The following HDAC4 variants were observed in gnomAD, a reference collection of about 807,000 sequenced individuals.
HDAC4 encodes histone deacetylase A.
HDAC4 carries 16 observed loss-of-function variants against 135.1 expected under a neutral mutation model. That is an observed-to-expected ratio of 0.12 (90% CI 0.08 to 0.18). The LOEUF (loss-of-function observed/expected upper bound fraction) is 0.18. Among genes scored for constraint, HDAC4 ranks in the 10% least tolerant of loss-of-function variants. The pLI, the probability that HDAC4 is intolerant of heterozygous loss-of-function variation, is 1.00. For synonymous variants in HDAC4, 685 were observed against 653.4 expected (o/e 1.05, Z -0.74); for missense variants, 1,143 against 1,511.8 (o/e 0.76, Z 4.05).
intron 2 of HDAC4, chr2:239,298,411 G>A: frequency 2.6e-6 from 3 of 1,166,620 alleles, no homozygotes; most frequent in African/African-American, 1.6e-5. Context: ...AGGGAAACAG[G>A]GTATCCTGAA....
intron 3 of HDAC4, among the ~76,000 whole-genome samples, chr2:239,192,142 G>A (rs1477101208): frequency 2.0e-5 from 3 of 151,848 alleles, no homozygotes; most frequent in Non-Finnish European, 2.9e-5. Flanking sequence ...TTCAATGTGC[G>A]GAAGCAGGGA....
rs555487947 is a variant in HDAC4, at chr2:239,117,973, C to T, written c.1534-2663G>A. On this transcript the variant is annotated intron_variant, in intron 12 of 26. Coordinates refer to ENST00000543185, the MANE Select transcript of HDAC4 (RefSeq NM_001378414.1). ...AGCACTGCATGCTGCTCCACACTCA[C>T]GCGAGGCGGCCTCTCCAGCAGCCTG... Among the ~76,000 whole-genome samples the T allele has an allele frequency of 1.3e-4, 20 of 152,346 alleles. No individual in the cohort carries two copies. The South Asian group carries it at 3.9e-3, about 30-fold the overall frequency.
chr2:239,294,158 G>A (rs1432196598), intron 2 of HDAC4, among the ~76,000 whole-genome samples: 2 of 152,290 alleles, frequency 1.3e-5, no homozygotes, highest in East Asian at 1.9e-4. Context: ...TCGCTGAGGC[G>A]TCACATTTAC....
intron 1 of HDAC4, among the ~76,000 whole-genome samples, chr2:239,364,822 G>C (rs1282049280): frequency 2.0e-5 from 3 of 152,144 alleles, no homozygotes; most frequent in Non-Finnish European, 4.4e-5. Flanking sequence ...TATAATTCTT[G>C]CCACCATTTC....
In HDAC4 at chr2:239,115,942, G is replaced by A. The variant is rs950684841; in HGVS notation, c.1534-632C>T. Among the ~76,000 whole-genome samples the A allele has an allele frequency of 2.6e-5, 4 of 152,094 alleles. No individual in the cohort carries two copies. The highest frequency in any genetic ancestry group is 9.7e-5 in the African/African-American group (4 of 41,400). ...GGACACCATGACCTCCTTTCTTGCA[G>A]GATTCCATGGGTGCTCCATGACCTG... is the stretch of plus-strand genomic sequence containing the variant. On this transcript the variant is annotated intron_variant, in intron 12 of 26. Transcript: ENST00000543185. This position sits in a 1 kb window ranked among gnomAD's most constrained non-coding sequence, Gnocchi z 6.3.
intron 2 of HDAC4, among the ~76,000 whole-genome samples, chr2:239,243,161 T>C (rs2048285127): frequency 6.6e-6 from 1 of 152,098 alleles, no homozygotes; most frequent in Non-Finnish European, 1.5e-5. Context: ...ATTCCTTTTT[T>C]TTTTTTTTTG....
At chr2:239,179,530 C>T (rs1341104481) in intron 4 of HDAC4, among the ~76,000 whole-genome samples, 2 of 152,236 alleles carry the variant, frequency 1.3e-5, no homozygotes, top group South Asian at 2.1e-4. Flanking sequence ...AGTTTCATCC[C>T]GAAACCATTC....
chr2:239,084,350 T>C, intron 19 of HDAC4, 108 bp from the exon 20 acceptor site: 5 of 758,346 alleles, frequency 6.6e-6, no homozygotes, highest in Admixed American at 2.0e-5. Flanking sequence ...AAGAGGTCTC[T>C]GTGAGTGCAG....
At position 239,102,796 on chromosome 2, in the gene HDAC4, A is replaced by C; in HGVS notation, c.2213T>G (p.Leu738Arg). The C allele has an allele frequency of 6.2e-7, 1 of 1,613,944 alleles. No homozygotes were observed. The highest frequency in any genetic ancestry group is 8.5e-7 in the Non-Finnish European group (1 of 1,180,028). The change falls in exon 16 of 27, where the codon CTG becomes CGG. Residue 738 changes from leucine to arginine, a missense_variant. This residue lies in a region of HDAC4 where 49 missense variants were observed against 55.6 expected (regional missense o/e 0.88). Coordinates refer to ENST00000543185, the MANE Select transcript of HDAC4 (RefSeq NM_001378414.1). ...YGTNPLNRQK[L>R]DSKKLLGSLA... ...AATACCTAGAAGTTTCTTACTGTCC[A>C]GTTTCTGCCGGTTGAGGGGGTTCGT...
chr2:239,242,972 G>A (rs182731893), intron 2 of HDAC4, among the ~76,000 whole-genome samples: 9 of 152,146 alleles, frequency 5.9e-5, no homozygotes, highest in Admixed American at 4.6e-4. Context: ...ACAAACCAGC[G>A]TGGTCAGGCC....
intron 12 of HDAC4, among the ~76,000 whole-genome samples, chr2:239,119,235 G>A (rs1348387735): frequency 2.0e-5 from 3 of 152,214 alleles, no homozygotes; most frequent in Non-Finnish European, 4.4e-5. Flanking sequence ...GGAGAGCAAA[G>A]AACAAAGAAT....
At chr2:239,257,188 A>T (rs2049097335) in intron 2 of HDAC4, among the ~76,000 whole-genome samples, 4 of 152,196 alleles carry the variant, frequency 2.6e-5, no homozygotes, top group Non-Finnish European at 5.9e-5. Context: ...TGACCAAAAA[A>T]ACTCTGAATA....
chr2:239,096,369 A>AACC (rs2037041685), intron 16 of HDAC4, among the ~76,000 whole-genome samples: 1 of 56,926 alleles, frequency 1.8e-5, no homozygotes, highest in African/African-American at 7.3e-5. Context: ...AGATGCCTGC[A>AACC]ACCCCCCCCG....
intron 2 of HDAC4, among the ~76,000 whole-genome samples, chr2:239,284,043 C>G (rs574621662): frequency 5.5e-4 from 84 of 152,324 alleles, no homozygotes; most frequent in Non-Finnish European, 8.7e-4. Flanking sequence ...GCTTCTGCAC[C>G]CCAGGGCCTC....
At position 239,231,614 on chromosome 2, in the gene HDAC4, CCGGA is replaced by C. The variant is rs1365861435; in HGVS notation, c.94+4975_94+4978del. On this transcript the variant is annotated intron_variant, in intron 3 of 26. Coordinates refer to ENST00000543185, the MANE Select transcript of HDAC4 (RefSeq NM_001378414.1). ...TTTTTTGTTTGCCTCCGGTTTGCTC[CCGGA>C]TGCCTGAGGTAGGTGTCCTCCCCGA... is the stretch of plus-strand genomic sequence containing the variant. Among the ~76,000 whole-genome samples, 5 of 125,358 alleles carry C rather than the reference CCGGA, an allele frequency of 4.0e-5. No homozygotes were observed. In the East Asian group the frequency reaches 1.4e-3, roughly 34 times the overall value. The allele number at this position is 125,358 out of a possible 152,430, so 82.2% of individuals were successfully genotyped here.
chr2:239,317,651 A>G (rs1347801982), intron 2 of HDAC4, among the ~76,000 whole-genome samples: 1 of 152,222 alleles, frequency 6.6e-6, no homozygotes, highest in Non-Finnish European at 1.5e-5. Flanking sequence ...TCAAACTAAT[A>G]TAAGTAAACA....
At chr2:239,112,589 C>T (rs2038777282) in intron 13 of HDAC4, among the ~76,000 whole-genome samples, 4 of 152,148 alleles carry the variant, frequency 2.6e-5, no homozygotes, top group Admixed American at 2.6e-4. Flanking sequence ...CTGGGACACC[C>T]TGAGGGATTC....
In HDAC4 at chr2:239,111,564, G is replaced by T. The variant is rs2152799226; in HGVS notation, c.1940C>A (p.Ser647Tyr). 6.2e-7 allele frequency: 1 copy of T among 1,612,496 alleles called. No individual in the cohort carries two copies. Among genetic ancestry groups the T allele is most frequent in the South Asian group, 1.1e-5 (1 of 90,960 alleles). ...CGGCTTGGTGGGGGGCTCCTGCACA[G>T]ACACGGGGAAGGTGGCAGACGCGGG... ...SSPASATFPV[S>Y]VQEPPTKPRF... is the part of the protein sequence containing the mutation. The change falls in exon 14 of 27, where the codon TCT becomes TAT. Residue 647 changes from serine to tyrosine, a missense_variant. By Grantham distance (144) the Ser-to-Tyr change is moderately radical (BLOSUM62 -2). Around this residue, in one of 9 missense-constraint regions of HDAC4, gnomAD observed 196 missense variants for 210.7 expected, o/e 0.93. Transcript: ENST00000543185.
At chr2:239,248,559 C>A (rs2048602742) in intron 2 of HDAC4, among the ~76,000 whole-genome samples, 1 of 152,190 alleles carries the variant, frequency 6.6e-6, no homozygotes, top group Non-Finnish European at 1.5e-5. Context: ...GTTGCCATAT[C>A]TTGCTAGAAC....
Sources: gnomAD v4.1 joint callset for allele counts (sites outside exome capture counted in the v4.1 genomes callset) on GRCh38, gnomAD v4.1.1 for gene constraint, gnomAD v4.1.1 regional missense constraint, Gnocchi (gnomAD v3.1) non-coding constraint, MANE v1.5 for transcripts, NCBI Gene and HGNC (gene_info 2026-07-23, HGNC 2026-07-21) for gene names.